Variants in KLF7 observed in about 807,000 individuals in gnomAD.
KLF7 encodes Krueppel-like factor 7.
A neutral mutation model predicts 27.3 loss-of-function variants in KLF7; 2 were observed. The ratio of observed to expected loss-of-function variants is 0.07; its 90% confidence interval spans 0.03 to 0.23. The LOEUF (loss-of-function observed/expected upper bound fraction) is 0.23, where lower values mean the gene tolerates loss of function less well. Ranked by LOEUF, KLF7 falls within the 10% of genes least tolerant of loss-of-function variation. The pLI, the probability that KLF7 is intolerant of heterozygous loss-of-function variation, is 1.00. For synonymous variants in KLF7, 165 were observed against 162.4 expected, an observed-to-expected ratio of 1.02 and a Z score of -0.12; for missense variants, 221 against 394.1, an observed-to-expected ratio of 0.56 and a Z score of 3.72.
intron 2 of KLF7, among the ~76,000 whole-genome samples, chr2:207,106,328 G>C (rs960486242): frequency 6.6e-6 from 1 of 152,192 alleles, no homozygotes; most frequent in South Asian, 2.1e-4. Context: ...CAACTTCTAC[G>C]AGGTTCTACA....
intron 2 of KLF7, chr2:207,110,206 C>T (rs1424925477): frequency 6.5e-6 from 1 of 154,068 alleles, no homozygotes; most frequent in Non-Finnish European, 1.5e-5. Flanking sequence ...TGAAATAGCA[C>T]CTTTCTCCCT....
intron 1 of KLF7, among the ~76,000 whole-genome samples, chr2:207,142,400 C>T (rs1284817999): frequency 6.6e-6 from 1 of 152,210 alleles, no homozygotes; most frequent in Non-Finnish European, 1.5e-5. Context: ...ATTTACTGAG[C>T]TTCCACTTTA....
intron 2 of KLF7, among the ~76,000 whole-genome samples, chr2:207,108,239 G>T (rs762256586): frequency 9.2e-5 from 14 of 152,190 alleles, no homozygotes; most frequent in Non-Finnish European, 1.9e-4. Flanking sequence ...AACCATGAGA[G>T]GGGGGAGAAA....
At chr2:207,165,094 G>A (rs2078666620) in intron 1 of KLF7, among the ~76,000 whole-genome samples, 1 of 146,002 alleles carries the variant, frequency 6.8e-6, no homozygotes, top group Non-Finnish European at 1.5e-5. Context: ...ATGCGAGAAC[G>A]TGGTCCCTGT....
At chr2:207,097,066 A>G in intron 2 of KLF7, among the ~76,000 whole-genome samples, 1 of 152,344 alleles carries the variant, frequency 6.6e-6, no homozygotes, top group South Asian at 2.1e-4. Flanking sequence ...ACAAATTCCC[A>G]GCTGATGCTG....
At chr2:207,167,404 G>A (rs2078745289), upstream of KLF7, 2 of 299,518 alleles carry the variant, frequency 6.7e-6, no homozygotes, top group African/African-American at 2.2e-5. Flanking sequence ...GAGAAACTTC[G>A]TTCTACCAGT....
At chr2:207,130,549 T>G (rs1024372149) in intron 1 of KLF7, among the ~76,000 whole-genome samples, 1 of 152,154 alleles carries the variant, frequency 6.6e-6, no homozygotes, top group African/African-American at 2.4e-5. Context: ...TGATGGAGAG[T>G]TGGAAGAGCT....
chr2:207,101,684 T>A (rs1296702517), intron 2 of KLF7, among the ~76,000 whole-genome samples: 1 of 152,204 alleles, frequency 6.6e-6, no homozygotes, highest in Non-Finnish European at 1.5e-5. Context: ...CATCTGTGCA[T>A]AGTTGTGTCC....
chr2:207,118,104 G>C (rs1265845793), intron 2 of KLF7, among the ~76,000 whole-genome samples: 1 of 152,170 alleles, frequency 6.6e-6, no homozygotes, highest in Non-Finnish European at 1.5e-5. Flanking sequence ...TCTAACAACA[G>C]GGACTTGCAT....
chr2:207,121,211 C>G (rs930541563), intron 2 of KLF7, among the ~76,000 whole-genome samples: 10 of 152,188 alleles, frequency 6.6e-5, no homozygotes, highest in Non-Finnish European at 2.9e-5. Flanking sequence ...CAGGTGTCAT[C>G]ACCCCACATC....
intron 2 of KLF7, among the ~76,000 whole-genome samples, chr2:207,096,007 T>C (rs2076620225): frequency 6.6e-6 from 1 of 152,230 alleles, no homozygotes; most frequent in Non-Finnish European, 1.5e-5. Context: ...GCTTAAAATA[T>C]ATTTTCTACG....
intron 3 of KLF7, among the ~76,000 whole-genome samples, chr2:207,086,453 C>T (rs947771930): frequency 2.0e-5 from 3 of 152,090 alleles, no homozygotes; most frequent in Non-Finnish European, 2.9e-5. Context: ...GCCTGTGTCG[C>T]GGGACGCTGA....
Position 207,117,818 on chromosome 2 carries a change from C to T in KLF7, c.733+5956G>A, listed in dbSNP as rs116068090. Among the ~76,000 whole-genome samples the T allele has an allele frequency of 4.3e-3, 658 of 152,292 alleles. 3 individuals are homozygous for T. Among genetic ancestry groups the T allele is most frequent in the Non-Finnish European group, 7.5e-3 (512 of 68,036 alleles). ...AACACTCTGTCCAGAAGGAGAGAAGCGACTTGTTATCTCCAAATCTTCCAT... is the reference window on the plus strand; with the variant it reads ...AACACTCTGTCCAGAAGGAGAGAAGTGACTTGTTATCTCCAAATCTTCCAT... On this transcript the variant is annotated intron_variant, in intron 2 of 3. Coordinates refer to ENST00000309446, the MANE Select transcript of KLF7 (RefSeq NM_003709.4).
chr2:207,106,814 A>T (rs1252437669), intron 2 of KLF7, among the ~76,000 whole-genome samples: 1 of 152,122 alleles, frequency 6.6e-6, no homozygotes, highest in African/African-American at 2.4e-5. Context: ...AAGCACAGAG[A>T]GTGGGATGGA....
rs2076166251 is a variant in KLF7, at chr2:207,075,796, G to A, written c.*5417C>T. On this transcript the variant is annotated 3_prime_UTR_variant, in exon 4 of 4. Coordinates refer to ENST00000309446, the MANE Select transcript of KLF7 (RefSeq NM_003709.4). Reference sequence around the variant, plus strand: ...CAGGTGTATTTTTCCTCCCTGGAATGAAGCAGAAGTGAAAGATAAGGAAAT... The same window carrying A: ...CAGGTGTATTTTTCCTCCCTGGAATAAAGCAGAAGTGAAAGATAAGGAAAT... 6.6e-6 allele frequency: 1 copy of A among 152,130 alleles called. No individual in the cohort carries two copies. The highest frequency in any genetic ancestry group is 1.5e-5 in the Non-Finnish European group (1 of 68,018). 9.4% of individuals were successfully genotyped at this position (152,130 alleles called of 1,614,324 possible).
At chr2:207,082,693 A>G (rs2076300926) in intron 3 of KLF7, among the ~76,000 whole-genome samples, 1 of 152,262 alleles carries the variant, frequency 6.6e-6, no homozygotes, top group South Asian at 2.1e-4. Context: ...TTTCTAACCT[A>G]TGAGAAAGTT....
intron 1 of KLF7, among the ~76,000 whole-genome samples, chr2:207,139,421 C>T (rs1012950529): frequency 2.6e-5 from 4 of 152,110 alleles, no homozygotes; most frequent in African/African-American, 4.8e-5. Flanking sequence ...GAGTTTTTCA[C>T]TGTTCTGTAA....
chr2:207,082,268 C>T (rs2076290148), intron 3 of KLF7, among the ~76,000 whole-genome samples: 1 of 152,146 alleles, frequency 6.6e-6, no homozygotes, highest in Non-Finnish European at 1.5e-5. Context: ...AGCCCTGGGA[C>T]ATCTGCTGAA....
intron 1 of KLF7, among the ~76,000 whole-genome samples, chr2:207,162,801 G>T (rs2078586275): frequency 1.3e-5 from 2 of 152,184 alleles, no homozygotes; most frequent in African/African-American, 2.4e-5. Context: ...AACCAAGTCA[G>T]ATTATCAGAG....
Sources: allele counts gnomAD v4.1 joint callset (sites outside exome capture counted in the v4.1 genomes callset), GRCh38; gene constraint gnomAD v4.1.1; transcripts MANE v1.5; gene names NCBI Gene and HGNC (gene_info 2026-07-23, HGNC 2026-07-21).